Variants in MYH11 observed in about 807,000 individuals in gnomAD.
MYH11 encodes myosin-11.
Under a neutral mutation model 246.6 loss-of-function variants are expected in MYH11, and 80 were observed. The ratio of observed to expected loss-of-function variants is 0.32; its 90% confidence interval spans 0.27 to 0.39. The LOEUF (loss-of-function observed/expected upper bound fraction) is 0.39, where lower values mean the gene tolerates loss of function less well. MYH11 is among the 10% of genes least tolerant of loss of function. MYH11 has a pLI of 1.00. For missense variants in MYH11, 2,158 were observed against 2,546.8 expected (o/e 0.85, Z 3.29); for synonymous variants, 1,071 against 1,015.5 (o/e 1.05, Z -1.04).
chr16:15,780,856 T>A (rs1184535242), intron 6 of MYH11, among the ~76,000 whole-genome samples: 1 of 152,170 alleles, frequency 6.6e-6, no homozygotes, highest in African/African-American at 2.4e-5. Flanking sequence ...GAATATCCCA[T>A]CTGTGTGACT....
chr16:15,763,747 A>ACCCCCCCCCC, intron 10 of MYH11, 49 bp downstream of exon 10: 2 of 349,142 alleles, frequency 5.7e-6, no homozygotes, highest in East Asian at 5.5e-5. Flanking sequence ...CACCTCCCCC[A>ACCCCCCCCCC]CCCCCCCAAC....
chr16:15,719,453 G>T, intron 35 of MYH11, 132 bp downstream of exon 35: 1 of 1,493,708 alleles, frequency 6.7e-7, no homozygotes. Flanking sequence ...GAGGAGGGAA[G>T]CGTGTGTCTT....
Position 15,842,762 on chromosome 16 carries a change from C to CAAAAAAAAAAAAA in MYH11, c.-17-4506_-17-4494dup, listed in dbSNP as rs757920488. 1.8e-3 allele frequency among the ~76,000 whole-genome samples: 36 copies of CAAAAAAAAAAAAA among 19,672 alleles called. 1 individual carries two copies. The highest frequency in any genetic ancestry group is 3.7e-3 in the African/African-American group (34 of 9,194). The allele number at this position is 19,672 out of a possible 152,430, so 12.9% of individuals were successfully genotyped here. A position where few individuals can be genotyped will look rare whatever the true frequency, so the allele number is the denominator to read the frequency against. ...CCAGGCAACAGAGCAAGACTTCATCCAAAAAAAAAAAAAAAAAAAAAAAAA... is the reference window on the plus strand; with the variant it reads ...CCAGGCAACAGAGCAAGACTTCATCCAAAAAAAAAAAAAAAAAAAAAAAAAAAAAAAAAAAAAA... On this transcript the variant is annotated intron_variant, in intron 1 of 40. Transcript: ENST00000300036.
At chr16:15,786,470 C>A in intron 5 of MYH11, 160 bp downstream of exon 5, 1 of 803,538 alleles carries the variant, frequency 1.2e-6, no homozygotes, top group Non-Finnish European at 2.3e-6. Flanking sequence ...ACTCAACAGG[C>A]CTGCTCGCCA....
Position 15,776,284 on chromosome 16 carries a change from C to T in MYH11, c.791-108G>A, listed in dbSNP as rs1157915124. On this transcript the variant is annotated intron_variant, in intron 7 of 40. Transcript: ENST00000300036. ...CACATGGGATGACTTTCCAGTTCTACCCCTGGGATCGGTAATGTCTAACTT... is the reference window on the plus strand; with the variant it reads ...CACATGGGATGACTTTCCAGTTCTATCCCTGGGATCGGTAATGTCTAACTT... 6.0e-5 allele frequency: 47 copies of T among 788,536 alleles called. No individual in the cohort carries two copies. The Admixed American group carries it at 8.2e-4, about 14-fold the overall frequency. 48.8% of individuals were successfully genotyped at this position (788,536 alleles called of 1,614,324 possible). A position where few individuals can be genotyped will look rare whatever the true frequency, so the allele number is the denominator to read the frequency against.
At chr16:15,805,213 T>C (rs1361024642) in intron 3 of MYH11, among the ~76,000 whole-genome samples, 2 of 152,216 alleles carry the variant, frequency 1.3e-5, no homozygotes, top group Admixed American at 1.3e-4. Flanking sequence ...TTTATTGTAT[T>C]GCATTGTGTA....
rs142338473 is a variant in MYH11, at chr16:15,769,189, G to A, written c.1033+2380C>T. 5.3e-3 allele frequency among the ~76,000 whole-genome samples: 807 copies of A among 152,204 alleles called. 5 individuals carry two copies. Among genetic ancestry groups the A allele is most frequent in the African/African-American group, 0.018 (729 of 41,530 alleles). ...AAATTAGTGGGGCATGGTGGTGGGC[G>A]CCTATAATCCCAGCTACCCAGGAGG... On this transcript the variant is annotated intron_variant, in intron 9 of 40. Transcript: ENST00000300036.
chr16:15,740,081 G>C lies in MYH11; in HGVS notation c.2967C>G (p.Val989=), dbSNP rs1567717006. ...KIKKLEDEIL[V]MDDQNNKLSK... ...ATAGTTTATTGTTCTGATCATCCAT[G>C]ACCAGGATCTCATCCTCCAGTTTCT... The change falls in exon 23 of 41, where the codon GTC becomes GTG. Residue 989 remains valine, a synonymous_variant. Coordinates refer to ENST00000300036, the MANE Select transcript of MYH11 (RefSeq NM_002474.3). 4 of 1,614,160 alleles carry C rather than the reference G, an allele frequency of 2.5e-6. No individual in the cohort carries two copies. Among genetic ancestry groups the C allele is most frequent in the Non-Finnish European group, 3.4e-6 (4 of 1,180,022 alleles).
At chr16:15,779,489 A>G (rs917290196) in intron 6 of MYH11, 2 of 159,398 alleles carry the variant, frequency 1.3e-5, no homozygotes, top group Admixed American at 1.2e-4. Flanking sequence ...AAAGAGATCA[A>G]GTGACTTGTC....
intron 2 of MYH11, among the ~76,000 whole-genome samples, chr16:15,829,740 G>A (rs551084988): frequency 9.5e-4 from 144 of 152,308 alleles, no homozygotes; most frequent in African/African-American, 3.3e-3. Flanking sequence ...GCTTTATATG[G>A]TCAGCCACAG....
intron 31 of MYH11, among the ~76,000 whole-genome samples, chr16:15,722,297 T>C (rs139810057): frequency 3.3e-5 from 5 of 152,330 alleles, no homozygotes; most frequent in South Asian, 2.1e-4. Flanking sequence ...CTTACAAAAG[T>C]ATCCTAAGAG....
At position 15,704,764 on chromosome 16, in the gene MYH11, T is replaced by A. The variant is rs533136575; in HGVS notation, c.5787-641A>T. 6.3e-4 allele frequency among the ~76,000 whole-genome samples: 96 copies of A among 152,366 alleles called. 2 individuals carry two copies. The South Asian group carries it at 0.012, about 20-fold the overall frequency. ...GGGACTGCTGCATCTGTTTTGCTGA[T>A]CGTGGAACATACCGCACATGGCGTA... On this transcript the variant is annotated intron_variant, in intron 40 of 40. Coordinates refer to ENST00000300036, the MANE Select transcript of MYH11 (RefSeq NM_002474.3).
intron 3 of MYH11, among the ~76,000 whole-genome samples, chr16:15,798,969 G>A (rs762632761): frequency 3.3e-5 from 5 of 152,258 alleles, no homozygotes; most frequent in South Asian, 2.1e-4. Flanking sequence ...GAGGTGTCCC[G>A]GGAGGCCCAC....
In MYH11 at chr16:15,746,962, C is replaced by T. The variant is rs139023487; in HGVS notation, c.2411+608G>A. Among the ~76,000 whole-genome samples the T allele has an allele frequency of 4.1e-3, 619 of 152,140 alleles. 5 individuals carry two copies. Among genetic ancestry groups the T allele is most frequent in the African/African-American group, 0.014 (587 of 41,522 alleles). On this transcript the variant is annotated intron_variant, in intron 19 of 40. Coordinates refer to ENST00000300036, the MANE Select transcript of MYH11 (RefSeq NM_002474.3). Reference sequence around the variant, plus strand: ...AATTAGGCCAGTGTGGTGGTGGGCGCCTCTAATTCCAGCCACTCGGGAGGC... The same window carrying T: ...AATTAGGCCAGTGTGGTGGTGGGCGTCTCTAATTCCAGCCACTCGGGAGGC...
chr16:15,772,411 A>T (rs971138453), intron 8 of MYH11, among the ~76,000 whole-genome samples: 1 of 152,032 alleles, frequency 6.6e-6, no homozygotes, highest in African/African-American at 2.4e-5. Flanking sequence ...TATTTATAAA[A>T]TTTTTATCAA....
At chr16:15,721,842 GT>G (rs374498080) in intron 31 of MYH11, among the ~76,000 whole-genome samples, 7 of 151,230 alleles carry the variant, frequency 4.6e-5, no homozygotes, top group Non-Finnish European at 7.4e-5. Flanking sequence ...CAGCTGACTT[GT>G]TTTTTTTTGT....
chr16:15,771,692 A>G lies in MYH11; in HGVS notation c.910T>C (p.Phe304Leu). The G allele has an allele frequency of 6.2e-7, 1 of 1,614,130 alleles. No homozygotes were observed. Among genetic ancestry groups the G allele is most frequent in the African/African-American group, 1.3e-5 (1 of 75,010 alleles). ...KMRSDLLLEG[F>L]NNYTFLSNGF... is the part of the protein sequence containing the mutation. The stretch of plus-strand genomic sequence containing the variant: ...TTGGAGAGGAAGGTGTAGTTGTTGA[A>G]GCCCTCCAAAAGCAAGTCACCTAGA... The change falls in exon 9 of 41, where the codon TTC becomes CTC. Residue 304 changes from phenylalanine to leucine, a missense_variant. This residue lies in a region of MYH11 where 75 missense variants were observed against 70.0 expected (regional missense o/e 1.07). Coordinates refer to ENST00000300036, the MANE Select transcript of MYH11 (RefSeq NM_002474.3).
chr16:15,715,301 T>C, intron 38 of MYH11, 29 bp from the exon 39 acceptor site: 1 of 1,611,734 alleles, frequency 6.2e-7, no homozygotes, highest in Non-Finnish European at 8.5e-7. Flanking sequence ...ACAGGTGGTT[T>C]CAGCGGAGGG....
intron 2 of MYH11, among the ~76,000 whole-genome samples, chr16:15,831,119 C>A (rs1298801062): frequency 6.6e-6 from 1 of 152,110 alleles, no homozygotes; most frequent in East Asian, 1.9e-4. Context: ...TTGCAGTGAG[C>A]CAAGATCATG....
Sources: gnomAD v4.1 joint callset for allele counts (sites outside exome capture counted in the v4.1 genomes callset) on GRCh38, gnomAD v4.1.1 for gene constraint, gnomAD v4.1.1 regional missense constraint, MANE v1.5 for transcripts, NCBI Gene and HGNC (gene_info 2026-07-23, HGNC 2026-07-21) for gene names.